The following CBFA2T2 variants were observed in gnomAD, a reference collection of about 807,000 sequenced individuals.
CBFA2T2 encodes protein CBFA2T2.
A neutral mutation model predicts 62.2 loss-of-function variants in CBFA2T2; 11 were observed. That is an observed-to-expected ratio of 0.18 (90% confidence interval 0.11 to 0.29). CBFA2T2 has a LOEUF of 0.29. CBFA2T2 is among the 10% of genes least tolerant of loss of function. The pLI, the probability that CBFA2T2 is intolerant of heterozygous loss-of-function variation, is 1.00. For missense variants in CBFA2T2, 592 were observed against 774.1 expected (o/e 0.76, Z 2.79); for synonymous variants, 295 against 287.5 (o/e 1.03, Z -0.27).
intron 1 of CBFA2T2, among the ~76,000 whole-genome samples, chr20:33,552,184 A>T (rs1277770693): frequency 6.6e-6 from 1 of 150,480 alleles, no homozygotes; most frequent in Non-Finnish European, 1.5e-5. Flanking sequence ...ATAAAACTGG[A>T]ATCTACACAT....
chr20:33,529,743 TTATATATATA>T (rs139769122), intron 1 of CBFA2T2, among the ~76,000 whole-genome samples: 2 of 4,042 alleles, frequency 4.9e-4, no homozygotes, highest in East Asian at 0.013. Context: ...AAGAAAGCAG[TTATATATATA>T]TATATATATA....
intron 1 of CBFA2T2, among the ~76,000 whole-genome samples, chr20:33,516,944 C>T (rs2011609534): frequency 6.6e-6 from 1 of 152,198 alleles, no homozygotes; most frequent in Non-Finnish European, 1.5e-5. Context: ...ACAACAGCAA[C>T]ATTCGATATT....
At chr20:33,515,407 C>T (rs2011583242) in intron 1 of CBFA2T2, among the ~76,000 whole-genome samples, 2 of 146,014 alleles carry the variant, frequency 1.4e-5, no homozygotes, top group Admixed American at 6.9e-5. Flanking sequence ...TGACGGAAAA[C>T]GTGTCCTTGG....
intron 3 of CBFA2T2, among the ~76,000 whole-genome samples, chr20:33,613,573 G>A (rs1254103515): frequency 6.6e-6 from 1 of 152,140 alleles, no homozygotes; most frequent in Non-Finnish European, 1.5e-5. Flanking sequence ...CAATGCCAAG[G>A]TTTTTGTTGG....
Position 33,539,462 on chromosome 20 carries a change from TATTACTC to T in CBFA2T2, c.34+49165_34+49171del, listed in dbSNP as rs139679832. 6.6e-3 allele frequency among the ~76,000 whole-genome samples: 1,010 copies of T among 152,366 alleles called. 4 individuals are homozygous for T. The highest frequency in any genetic ancestry group is 0.011 in the Non-Finnish European group (754 of 68,038). On this transcript the variant is annotated intron_variant, in intron 1 of 10. Coordinates refer to ENST00000342704, the MANE Select transcript of CBFA2T2 (RefSeq NM_001032999.3). The stretch of plus-strand genomic sequence containing the variant: ...TTTCGAGGTCAATGAAGCCCATCTT[TATTACTC>T]ATTTCCTATCATTGTTTACATCCCT...
At chr20:33,631,191 G>T (rs1479045661) in intron 8 of CBFA2T2, among the ~76,000 whole-genome samples, 1 of 152,192 alleles carries the variant, frequency 6.6e-6, no homozygotes, top group Non-Finnish European at 1.5e-5. Flanking sequence ...GCGGACGCCT[G>T]TACTCCCAGC....
At chr20:33,497,156 C>G (rs898352201) in intron 1 of CBFA2T2, among the ~76,000 whole-genome samples, 2 of 151,562 alleles carry the variant, frequency 1.3e-5, no homozygotes, top group Admixed American at 1.3e-4. Flanking sequence ...GCCTGTAGTT[C>G]CAGCTACTCA....
intron 4 of CBFA2T2, 51 bp downstream of exon 4, chr20:33,619,657 C>T (rs1396723974): frequency 1.7e-5 from 21 of 1,271,646 alleles, no homozygotes; most frequent in Non-Finnish European, 2.3e-5. Flanking sequence ...TCCTCAAATT[C>T]TGCTAATCCC....
intron 3 of CBFA2T2, among the ~76,000 whole-genome samples, chr20:33,615,740 C>CT: frequency 6.6e-6 from 1 of 151,270 alleles, no homozygotes; most frequent in Admixed American, 6.6e-5. Context: ...GACCCCATCA[C>CT]TTTAAAAAAA....
rs1459531341 is a variant in CBFA2T2, at chr20:33,607,030, C to T, written c.109C>T (p.Pro37Ser). 2 of 1,613,918 alleles carry T rather than the reference C, an allele frequency of 1.2e-6. No individual in the cohort carries two copies. The highest frequency in any genetic ancestry group is 4.5e-5 in the East Asian group (2 of 44,884). ...GAAGATACAGTCCAGATCCTCACCT[C>T]CCACCATGCCACCCCTCCCACCAAT... Reference protein sequence around the residue: ...EVKIQSRSSPPTMPPLPPINP... With the variant: ...EVKIQSRSSPSTMPPLPPINP... The change falls in exon 2 of 11, where the codon CCC becomes TCC. Residue 37 changes from proline (P) to serine (S), a missense_variant. Around this residue, in one of 3 missense-constraint regions of CBFA2T2, gnomAD observed 449 missense variants for 551.2 expected, o/e 0.81. Transcript: ENST00000342704.
At chr20:33,607,536 G>T (rs1389139536) in intron 2 of CBFA2T2, among the ~76,000 whole-genome samples, 1 of 152,120 alleles carries the variant, frequency 6.6e-6, no homozygotes, top group Non-Finnish European at 1.5e-5. Flanking sequence ...CAGACTGGAT[G>T]GTTTAAACAA....
intron 1 of CBFA2T2, among the ~76,000 whole-genome samples, chr20:33,594,245 G>A (rs528630568): frequency 1.1e-4 from 17 of 151,606 alleles, no homozygotes; most frequent in Middle Eastern, 3.4e-3. Context: ...TTTTTGAGAC[G>A]GAGTCTCACT....
intron 1 of CBFA2T2, among the ~76,000 whole-genome samples, chr20:33,542,470 C>T (rs1192923096): frequency 6.6e-6 from 1 of 151,800 alleles, no homozygotes; most frequent in South Asian, 2.1e-4. Flanking sequence ...TTTCATTAAG[C>T]CTCTTCCATT....
At chr20:33,510,503 G>C (rs963872386) in intron 1 of CBFA2T2, among the ~76,000 whole-genome samples, 1 of 151,992 alleles carries the variant, frequency 6.6e-6, no homozygotes, top group Non-Finnish European at 1.5e-5. Context: ...GAGCCACCAC[G>C]CCCGGCCACA....
chr20:33,587,125 T>A (rs1391871577), intron 1 of CBFA2T2, among the ~76,000 whole-genome samples: 3 of 151,976 alleles, frequency 2.0e-5, no homozygotes, highest in Non-Finnish European at 1.5e-5. Flanking sequence ...GGCATCTTTT[T>A]TAGAGACGAG....
At chr20:33,549,265 T>C (rs2012665819) in intron 1 of CBFA2T2, among the ~76,000 whole-genome samples, 1 of 143,968 alleles carries the variant, frequency 6.9e-6, no homozygotes, top group African/African-American at 2.6e-5. Flanking sequence ...CAGATAAAAC[T>C]GGACAAATTT....
intron 10 of CBFA2T2, among the ~76,000 whole-genome samples, chr20:33,643,504 A>T (rs2016926321): frequency 6.7e-6 from 1 of 149,964 alleles, no homozygotes; most frequent in Admixed American, 6.7e-5. Flanking sequence ...GGATCCCTGG[A>T]GCCTAGGAGG....
intron 1 of CBFA2T2, chr20:33,574,378 C>A: frequency 3.3e-6 from 3 of 897,058 alleles, no homozygotes; most frequent in Non-Finnish European, 5.0e-6. Flanking sequence ...GTAATCCCAG[C>A]ACTTTGGGAG....
chr20:33,566,195 TTA>T (rs1484661819), intron 1 of CBFA2T2, among the ~76,000 whole-genome samples: 1 of 152,150 alleles, frequency 6.6e-6, no homozygotes, highest in Non-Finnish European at 1.5e-5. Flanking sequence ...TAGACTAGAA[TTA>T]TGTTGAGTTT....
Sources: gnomAD v4.1 joint callset for allele counts (sites outside exome capture counted in the v4.1 genomes callset) on GRCh38, gnomAD v4.1.1 for gene constraint, gnomAD v4.1.1 regional missense constraint, MANE v1.5 for transcripts, NCBI Gene and HGNC (gene_info 2026-07-23, HGNC 2026-07-21) for gene names.